The following DOCK5 variants were observed in gnomAD, a reference collection of about 807,000 sequenced individuals.
DOCK5 encodes the protein dedicator of cytokinesis protein 5.
Under a neutral mutation model 251.8 loss-of-function variants are expected in DOCK5, and 142 were observed. The observed-to-expected ratio is 0.56, with a 90% CI of 0.49 to 0.65. The LOEUF is 0.65. Ranked by LOEUF, DOCK5 falls within the 30% of genes least tolerant of loss-of-function variation. The pLI is 0.00. For missense variants in DOCK5, 2,111 were observed against 2,312.3 expected (o/e 0.91, Z 1.79); for synonymous variants, 842 against 835.5 (o/e 1.01, Z -0.13).
In DOCK5 at chr8:25,411,418, A is replaced by T. The variant is rs1419181255; in HGVS notation, c.*120A>T. 7.8e-7 allele frequency: 1 copy of T among 1,283,010 alleles called. No homozygotes were observed. The highest frequency in any genetic ancestry group is 1.0e-6 in the Non-Finnish European group (1 of 1,001,102). The allele number at this position is 1,283,010 out of a possible 1,614,324, so 79.5% of individuals were successfully genotyped here. On this transcript the variant is annotated 3_prime_UTR_variant, in exon 52 of 52. Coordinates refer to ENST00000276440, the MANE Select transcript of DOCK5 (RefSeq NM_024940.8). ...TGACTGCATTTCCTGATCTGGGATG[A>T]TGTTTACCAGCCCAAAACCAGTCAT...
At chr8:25,256,360 C>T (rs575385332) in intron 2 of DOCK5, among the ~76,000 whole-genome samples, 16 of 152,124 alleles carry the variant, frequency 1.1e-4, no homozygotes, top group Non-Finnish European at 2.1e-4. Context: ...TGTTACAGGC[C>T]GGGTGCAATG....
intron 18 of DOCK5, among the ~76,000 whole-genome samples, chr8:25,325,909 C>T (rs1563202757): frequency 6.6e-6 from 1 of 152,182 alleles, no homozygotes; most frequent in Non-Finnish European, 1.5e-5. Context: ...AGAGGAGGAG[C>T]TTGGCAAAGA....
At chr8:25,322,910 A>G (rs979067222) in intron 16 of DOCK5, among the ~76,000 whole-genome samples, 2 of 152,200 alleles carry the variant, frequency 1.3e-5, no homozygotes, top group African/African-American at 4.8e-5. Flanking sequence ...GTCTATGTTC[A>G]TAACAGCTTC....
intron 15 of DOCK5, 136 bp from the exon 16 acceptor site, chr8:25,320,840 TTGAA>T: frequency 1.5e-6 from 1 of 675,652 alleles, no homozygotes; most frequent in African/African-American, 1.8e-5. Flanking sequence ...TCAGTCTCCT[TTGAA>T]TGAAACCTAT....
rs1801330568 is a variant in DOCK5 at position 25,395,526 on chromosome 8, T to C, written c.4528-17T>C. ...GCTGACAAGTGTCCTCTTTCTCCCATGTGCTCTGTCACTCAGGAAGAGATC... is the reference window on the plus strand; with the variant it reads ...GCTGACAAGTGTCCTCTTTCTCCCACGTGCTCTGTCACTCAGGAAGAGATC... On this transcript the variant is annotated splice_polypyrimidine_tract_variant and intron_variant, in intron 44 of 51. Transcript: ENST00000276440. 6.3e-7 allele frequency: 1 copy of C among 1,599,944 alleles called. No individual in the cohort carries two copies. Among genetic ancestry groups the C allele is most frequent in the East Asian group, 2.2e-5 (1 of 44,808 alleles).
At position 25,348,824 on chromosome 8, in the gene DOCK5, C is replaced by T. The variant is rs1188199208; in HGVS notation, c.2755-2907C>T. On this transcript the variant is annotated intron_variant, in intron 26 of 51. Transcript: ENST00000276440. The stretch of plus-strand genomic sequence containing the variant: ...CTGCACTCCAGCTTGGGCAACAGAG[C>T]GAGACTCTGTCTCAAAAAAAAAAAA... Among the ~76,000 whole-genome samples the T allele has an allele frequency of 2.0e-5, 3 of 148,590 alleles. No individual in the cohort carries two copies. In the East Asian group the frequency reaches 5.9e-4, roughly 29 times the overall value.
intron 1 of DOCK5, among the ~76,000 whole-genome samples, chr8:25,241,371 G>A (rs1314296458): frequency 6.6e-6 from 1 of 152,032 alleles, no homozygotes; most frequent in African/African-American, 2.4e-5. Flanking sequence ...CCAGCTACTG[G>A]GGAGGCTGAG....
intron 7 of DOCK5, among the ~76,000 whole-genome samples, chr8:25,298,463 T>C (rs2117161855): frequency 6.6e-6 from 1 of 152,358 alleles, no homozygotes; most frequent in East Asian, 1.9e-4. Context: ...TTCAAGGCCC[T>C]GAACAGGACA....
intron 18 of DOCK5, among the ~76,000 whole-genome samples, chr8:25,329,404 A>G (rs1437361656): frequency 6.6e-6 from 1 of 152,154 alleles, no homozygotes; most frequent in African/African-American, 2.4e-5. Context: ...CTATTCTCTT[A>G]GCAATTTTCA....
At chr8:25,401,091 A>G (rs1326370053) in intron 47 of DOCK5, 25 bp downstream of exon 47, 2 of 1,611,508 alleles carry the variant, frequency 1.2e-6, no homozygotes, top group Non-Finnish European at 1.7e-6. Flanking sequence ...AGTAGCCTTC[A>G]CACCTTTTTC....
chr8:25,221,670 C>CCAT (rs749679641), intron 1 of DOCK5, among the ~76,000 whole-genome samples: 21 of 152,036 alleles, frequency 1.4e-4, no homozygotes, highest in Middle Eastern at 3.4e-3. Flanking sequence ...CATCACCATC[C>CCAT]CATCATCATC....
intron 44 of DOCK5, among the ~76,000 whole-genome samples, chr8:25,393,510 A>G (rs1364067647): frequency 6.6e-6 from 1 of 152,174 alleles, no homozygotes; most frequent in African/African-American, 2.4e-5. Context: ...ACACACACGT[A>G]TGGCCTAACT....
chr8:25,208,878 CT>C (rs1272496121), intron 1 of DOCK5, among the ~76,000 whole-genome samples: 1 of 152,146 alleles, frequency 6.6e-6, no homozygotes, highest in African/African-American at 2.4e-5. Context: ...CCTTCCCTCC[CT>C]CCCTGCACTC....
At chr8:25,380,462 T>A (rs1801045717) in intron 39 of DOCK5, 68 bp downstream of exon 39, 2 of 1,346,666 alleles carry the variant, frequency 1.5e-6, no homozygotes, top group East Asian at 2.5e-5. Flanking sequence ...TGAAAATGTT[T>A]CCGTAAGTTG....
chr8:25,372,518 G>A, intron 34 of DOCK5, 41 bp from the exon 35 acceptor site: 2 of 1,536,712 alleles, frequency 1.3e-6, no homozygotes, highest in Non-Finnish European at 1.7e-6. Context: ...TGGAATGATA[G>A]CATGGAACCT....
chr8:25,242,780 A>G (rs1489200960), intron 1 of DOCK5, among the ~76,000 whole-genome samples: 1 of 152,184 alleles, frequency 6.6e-6, no homozygotes, highest in Admixed American at 6.5e-5. Flanking sequence ...TGCTGGGGTA[A>G]CCCAGTTGCC....
At chr8:25,347,321 A>G (rs1313065351) in intron 26 of DOCK5, among the ~76,000 whole-genome samples, 2 of 152,016 alleles carry the variant, frequency 1.3e-5, no homozygotes, top group Non-Finnish European at 2.9e-5. Context: ...CTGTCCCTCC[A>G]CTTCCCTAAG....
intron 1 of DOCK5, among the ~76,000 whole-genome samples, chr8:25,220,160 T>C (rs1449742549): frequency 6.6e-6 from 1 of 152,106 alleles, no homozygotes; most frequent in East Asian, 1.9e-4. Context: ...GGTTTTGTTT[T>C]GTTTCGTTTC....
chr8:25,279,124 T>C (rs1412541722), intron 5 of DOCK5, among the ~76,000 whole-genome samples: 1 of 152,192 alleles, frequency 6.6e-6, no homozygotes, highest in Non-Finnish European at 1.5e-5. Context: ...GATGACATTC[T>C]TTACCTTGGC....
Sources: gnomAD v4.1 joint callset for allele counts (sites outside exome capture counted in the v4.1 genomes callset) on GRCh38, gnomAD v4.1.1 for gene constraint, MANE v1.5 for transcripts, NCBI Gene and HGNC (gene_info 2026-07-23, HGNC 2026-07-21) for gene names.